Variants in PRLR observed in about 807,000 individuals in gnomAD.
PRLR encodes hPRL receptor.
A neutral mutation model predicts 40.2 loss-of-function variants in PRLR; 13 were observed. The observed-to-expected ratio is 0.32, with a 90% CI of 0.21 to 0.51. The LOEUF is 0.51. Among genes scored for constraint, PRLR ranks in the 20% least tolerant of loss-of-function variants. PRLR has a pLI of 0.97. For synonymous variants in PRLR, 269 were observed against 278.7 expected (o/e 0.97, Z 0.35); for missense variants, 656 against 747.3 (o/e 0.88, Z 1.42).
At chr5:35,091,809 T>C (rs1771232598) in intron 2 of PRLR, among the ~76,000 whole-genome samples, 1 of 152,250 alleles carries the variant, frequency 6.6e-6, no homozygotes, top group Admixed American at 6.5e-5. Flanking sequence ...CCCCAAATAG[T>C]TCTTTATCCT....
chr5:35,182,015 T>A lies in PRLR; in HGVS notation c.-106+48253A>T, dbSNP rs1269980022. Among the ~76,000 whole-genome samples the A allele has an allele frequency of 3.3e-5, 5 of 149,560 alleles. No individual in the cohort carries two copies. In the East Asian group the frequency reaches 9.7e-4, roughly 29 times the overall value. On this transcript the variant is annotated intron_variant, in intron 1 of 9. Coordinates refer to ENST00000618457, the MANE Select transcript of PRLR (RefSeq NM_000949.7). Reference sequence around the variant, plus strand: ...AACTCCCACTGCATTTGTTGATGATTTTTTTTTTTACATGAGAAAGACTAA... The same window carrying A: ...AACTCCCACTGCATTTGTTGATGATATTTTTTTTTACATGAGAAAGACTAA...
chr5:35,133,138 G>A (rs1270129149), intron 1 of PRLR, among the ~76,000 whole-genome samples: 1 of 152,100 alleles, frequency 6.6e-6, no homozygotes, highest in Admixed American at 6.5e-5. Flanking sequence ...CCTCTCTCTT[G>A]TTCTCAGGCT....
rs1399403425 is a variant in PRLR, at chr5:35,064,819, A to G, written c.*270T>C. ...ATATACCTATTGGCATTGTCCCTCA[A>G]GAATACTAAGCAGTGTGCTTTTATT... On this transcript the variant is annotated 3_prime_UTR_variant, in exon 10 of 10. Transcript: ENST00000618457. The G allele has an allele frequency of 7.4e-6, 3 of 403,806 alleles. No individual in the cohort carries two copies. The highest frequency in any genetic ancestry group is 1.3e-5 in the Non-Finnish European group (3 of 227,054). 25.0% of individuals were successfully genotyped at this position (403,806 alleles called of 1,614,324 possible).
intron 1 of PRLR, among the ~76,000 whole-genome samples, chr5:35,163,164 G>C (rs542399869): frequency 4.6e-5 from 7 of 152,286 alleles, no homozygotes; most frequent in Admixed American, 2.0e-4. Context: ...TACTCTAGCA[G>C]GGACTCTGGC....
At chr5:35,117,305 T>A (rs1773082444) in intron 2 of PRLR, among the ~76,000 whole-genome samples, 1 of 152,186 alleles carries the variant, frequency 6.6e-6, no homozygotes, top group Non-Finnish European at 1.5e-5. Context: ...AAATTTTGTC[T>A]AGGATTTTCT....
chr5:35,122,935 G>A (rs192642814), intron 1 of PRLR, among the ~76,000 whole-genome samples: 7 of 152,270 alleles, frequency 4.6e-5, no homozygotes, highest in Admixed American at 3.9e-4. Context: ...AAGATAAATA[G>A]GGTAAAGTCA....
chr5:35,175,738 C>T (rs1579766141), intron 1 of PRLR, among the ~76,000 whole-genome samples: 3 of 152,152 alleles, frequency 2.0e-5, no homozygotes, highest in South Asian at 2.1e-4. Flanking sequence ...GGATGCTATT[C>T]GTAAGGAAGA....
chr5:35,161,461 C>G (rs761155707), intron 1 of PRLR, among the ~76,000 whole-genome samples: 10 of 152,172 alleles, frequency 6.6e-5, no homozygotes, highest in Non-Finnish European at 1.2e-4. Context: ...CAAAAGAATA[C>G]AGCATTGTTG....
At chr5:35,128,597 C>T (rs1358434822) in intron 1 of PRLR, among the ~76,000 whole-genome samples, 1 of 151,798 alleles carries the variant, frequency 6.6e-6, no homozygotes, top group Non-Finnish European at 1.5e-5. Context: ...GCTGGCTGTA[C>T]TTTAAACAAG....
intron 1 of PRLR, among the ~76,000 whole-genome samples, chr5:35,209,944 C>A (rs1374916874): frequency 6.6e-6 from 1 of 152,168 alleles, no homozygotes; most frequent in East Asian, 1.9e-4. Context: ...CGCACGAGAT[C>A]ATGCCATCCC....
At chr5:35,208,963 A>G (rs1776096501) in intron 1 of PRLR, among the ~76,000 whole-genome samples, 1 of 152,170 alleles carries the variant, frequency 6.6e-6, no homozygotes, top group Non-Finnish European at 1.5e-5. Context: ...CATCCATATG[A>G]CGGAATGTTA....
chr5:35,141,391 A>T (rs572518498), intron 1 of PRLR, among the ~76,000 whole-genome samples: 1 of 152,306 alleles, frequency 6.6e-6, no homozygotes, highest in South Asian at 2.1e-4. Flanking sequence ...AAGCACTATG[A>T]CATGGAAGGG....
At chr5:35,110,185 G>C (rs891600840) in intron 2 of PRLR, among the ~76,000 whole-genome samples, 5 of 152,118 alleles carry the variant, frequency 3.3e-5, no homozygotes, top group African/African-American at 4.8e-5. Context: ...GTTGGACACA[G>C]GGTGGGGAAC....
chr5:35,059,918 C>T lies in PRLR; in HGVS notation c.*5171G>A, dbSNP rs1279764506. On this transcript the variant is annotated 3_prime_UTR_variant, in exon 10 of 10. Transcript: ENST00000618457. ...ACACAATCACGGTTCACTGCAGCCT[C>T]GACCTCCTGGGCTCAAGCAATCCTC... The T allele has an allele frequency of 6.6e-6, 1 of 152,224 alleles. No individual in the cohort carries two copies. The highest frequency in any genetic ancestry group is 2.4e-5 in the African/African-American group (1 of 41,428). The allele number at this position is 152,224 out of a possible 1,614,324, so 9.4% of individuals were successfully genotyped here. A position where few individuals can be genotyped will look rare whatever the true frequency, so the allele number is the denominator to read the frequency against.
At chr5:35,066,234 A>C (rs1418470100) in intron 9 of PRLR, 132 bp from the exon 10 acceptor site, 12 of 916,812 alleles carry the variant, frequency 1.3e-5, no homozygotes, top group Non-Finnish European at 1.6e-5. Context: ...TTTGTGTGCC[A>C]GGCCATCTAG....
intron 1 of PRLR, among the ~76,000 whole-genome samples, chr5:35,203,228 T>C (rs1775925779): frequency 6.6e-6 from 1 of 152,210 alleles, no homozygotes; most frequent in African/African-American, 2.4e-5. Context: ...TGTCCTTTTC[T>C]ATAGGCAGTA....
At chr5:35,099,298 A>G (rs1336739343) in intron 2 of PRLR, among the ~76,000 whole-genome samples, 2 of 152,148 alleles carry the variant, frequency 1.3e-5, no homozygotes, top group Non-Finnish European at 2.9e-5. Context: ...TAAGATGACA[A>G]TGGGGCTGAA....
intron 1 of PRLR, among the ~76,000 whole-genome samples, chr5:35,197,414 T>A (rs1775765857): frequency 6.6e-6 from 1 of 152,228 alleles, no homozygotes; most frequent in African/African-American, 2.4e-5. Context: ...TCTACCCAAG[T>A]GCGGGGTTCC....
chr5:35,184,622 C>T (rs1351637982), intron 1 of PRLR, among the ~76,000 whole-genome samples: 1 of 152,214 alleles, frequency 6.6e-6, no homozygotes, highest in African/African-American at 2.4e-5. Flanking sequence ...GGATCCATTG[C>T]ACCACATGGA....
Sources: gnomAD v4.1 joint callset for allele counts (sites outside exome capture counted in the v4.1 genomes callset) on GRCh38, gnomAD v4.1.1 for gene constraint, MANE v1.5 for transcripts, NCBI Gene and HGNC (gene_info 2026-07-23, HGNC 2026-07-21) for gene names.